NAA15: variants seen among roughly 807,000 people sequenced by gnomAD.
The protein encoded by NAA15 is N-terminal acetyltransferase.
In NAA15, 34 loss-of-function variants were observed where a neutral mutation model predicts 114.0. That is an observed-to-expected ratio of 0.30 (90% CI 0.23 to 0.40). The LOEUF is 0.40. Ranked by LOEUF, NAA15 falls within the 10% of genes least tolerant of loss-of-function variation. NAA15 has a pLI of 1.00. For synonymous variants in NAA15, 340 were observed against 338.0 expected (o/e 1.01, Z -0.06); for missense variants, 658 against 1,004.5 (o/e 0.66, Z 4.66).
chr4:139,371,300 G>A (rs1748428706), intron 15 of NAA15, among the ~76,000 whole-genome samples: 1 of 151,866 alleles, frequency 6.6e-6, no homozygotes, highest in Non-Finnish European at 1.5e-5. Context: ...TAGACATAGT[G>A]ATATTGCTAT....
At chr4:139,376,756 AATTAG>A (rs1748592754) in intron 16 of NAA15, among the ~76,000 whole-genome samples, 1 of 152,198 alleles carries the variant, frequency 6.6e-6, no homozygotes, top group Admixed American at 6.5e-5. Context: ...ATGTGGATAA[AATTAG>A]TTAATACACA....
At chr4:139,344,435 C>A in intron 6 of NAA15, 96 bp downstream of exon 6, 1 of 965,982 alleles carries the variant, frequency 1.0e-6, no homozygotes, top group Non-Finnish European at 1.5e-6. Context: ...TATAATTCAG[C>A]TTTTTGATGA....
At chr4:139,338,315 T>G (rs925493658) in intron 3 of NAA15, among the ~76,000 whole-genome samples, 8 of 152,230 alleles carry the variant, frequency 5.3e-5, no homozygotes, top group African/African-American at 1.2e-4. Context: ...ACTTTGTCAT[T>G]TGTATTACGG....
intron 15 of NAA15, among the ~76,000 whole-genome samples, chr4:139,376,035 T>C (rs996482842): frequency 1.3e-5 from 2 of 152,208 alleles, no homozygotes; most frequent in African/African-American, 2.4e-5. Flanking sequence ...GTACTTCTCC[T>C]GTCCTAGTTT....
chr4:139,384,156 T>A (rs1174372262), intron 17 of NAA15, among the ~76,000 whole-genome samples: 1 of 152,198 alleles, frequency 6.6e-6, no homozygotes, highest in Non-Finnish European at 1.5e-5. Context: ...TTTAGAACAT[T>A]AGATTGTTCT....
At position 139,389,730 on chromosome 4, in the gene NAA15, C is replaced by T. The variant is rs377033950; in HGVS notation, c.*1646C>T. 2.8e-4 allele frequency: 42 copies of T among 152,568 alleles called. No individual in the cohort carries two copies. In the East Asian group the frequency reaches 3.7e-3, roughly 13 times the overall value. The allele number at this position is 152,568 out of a possible 1,614,324, so 9.5% of individuals were successfully genotyped here. On this transcript the variant is annotated 3_prime_UTR_variant, in exon 20 of 20. Coordinates refer to ENST00000296543, the MANE Select transcript of NAA15 (RefSeq NM_057175.5). ...ATATATAATTGACCTTTTTGTGGAA[C>T]ATGTAGTTTATAGAAAGTATACTCT...
At chr4:139,385,283 A>AATATATATATATATATAATATATATAAT (rs1748870381) in intron 18 of NAA15, among the ~76,000 whole-genome samples, 2 of 100,490 alleles carry the variant, frequency 2.0e-5, no homozygotes, top group Non-Finnish European at 4.4e-5. Flanking sequence ...ATATATATAT[A>AATATATATATATATATAATATATATAAT]ATATATATAT....
intron 5 of NAA15, 21 bp from the exon 6 acceptor site, chr4:139,344,165 A>G: frequency 6.4e-7 from 1 of 1,552,130 alleles, no homozygotes; most frequent in African/African-American, 1.4e-5. Context: ...TACTGTCAGT[A>G]TTCCTTATAT....
intron 1 of NAA15, among the ~76,000 whole-genome samples, chr4:139,321,228 A>G (rs550705859): frequency 2.6e-4 from 39 of 150,996 alleles, no homozygotes; most frequent in South Asian, 4.2e-4. Flanking sequence ...TGTTTTTTCT[A>G]ATTTCTTAAG....
At chr4:139,361,141 A>G (rs1408400262) in intron 13 of NAA15, among the ~76,000 whole-genome samples, 1 of 152,128 alleles carries the variant, frequency 6.6e-6, no homozygotes, top group Non-Finnish European at 1.5e-5. Context: ...TGTGTTTTAC[A>G]CAGATAAACA....
intron 15 of NAA15, 121 bp from the exon 16 acceptor site, chr4:139,376,244 G>T: frequency 1.6e-6 from 1 of 619,770 alleles, no homozygotes; most frequent in South Asian, 2.1e-5. Flanking sequence ...AAATATGACA[G>T]TGTTTTTCTG....
rs1273737115 is a variant in NAA15 at position 139,357,097 on chromosome 4, CCCTA to C, written c.1088-285_1088-282del. 2.0e-5 allele frequency among the ~76,000 whole-genome samples: 3 copies of C among 152,150 alleles called. No homozygotes were observed. The East Asian group carries it at 5.8e-4, about 29-fold the overall frequency. ...ATAGTTCTAGTACAGCTTGTCTCCC[CCCTA>C]CCTGTTTCAGTTTTCTTTCTAGGTA... On this transcript the variant is annotated intron_variant, in intron 10 of 19. Transcript: ENST00000296543.
chr4:139,308,510 A>T (rs1381639873), intron 1 of NAA15, among the ~76,000 whole-genome samples: 3 of 152,248 alleles, frequency 2.0e-5, no homozygotes, highest in African/African-American at 7.2e-5. Context: ...CTTGTACTTC[A>T]TATATTTAGA....
intron 11 of NAA15, among the ~76,000 whole-genome samples, chr4:139,357,937 A>T (rs1408559784): frequency 2.6e-5 from 4 of 152,188 alleles, no homozygotes; most frequent in African/African-American, 9.7e-5. Context: ...TATTGAGATG[A>T]AACTGTGAAG....
At chr4:139,347,468 C>CA (rs2110924940) in intron 6 of NAA15, among the ~76,000 whole-genome samples, 1 of 151,728 alleles carries the variant, frequency 6.6e-6, no homozygotes, top group East Asian at 1.9e-4. Context: ...CCCATCTCTA[C>CA]AAAAAATAAA....
chr4:139,369,529 G>A (rs1266071931), intron 14 of NAA15, among the ~76,000 whole-genome samples: 1 of 152,046 alleles, frequency 6.6e-6, no homozygotes, highest in Non-Finnish European at 1.5e-5. Context: ...CAGGAGGTCA[G>A]GAGTTTGAGA....
At chr4:139,328,185 T>TA (rs1035614923) in intron 1 of NAA15, among the ~76,000 whole-genome samples, 2 of 152,024 alleles carry the variant, frequency 1.3e-5, no homozygotes, top group Non-Finnish European at 1.5e-5. Context: ...GGTTCCATTT[T>TA]AAAAAAATTG....
chr4:139,336,727 T>G, intron 2 of NAA15, 121 bp from the exon 3 acceptor site: 3 of 479,950 alleles, frequency 6.3e-6, no homozygotes, highest in Non-Finnish European at 6.9e-6. Context: ...AGTAATCTCC[T>G]TGACATTTTT....
chr4:139,353,966 C>A, intron 9 of NAA15, 60 bp from the exon 10 acceptor site: 1 of 1,322,358 alleles, frequency 7.6e-7, no homozygotes, highest in Non-Finnish European at 1.1e-6. Context: ...ACACATTTTG[C>A]ATAAGAATAG....
Sources: allele counts gnomAD v4.1 joint callset (sites outside exome capture counted in the v4.1 genomes callset), GRCh38; gene constraint gnomAD v4.1.1; transcripts MANE v1.5; gene names NCBI Gene and HGNC (gene_info 2026-07-23, HGNC 2026-07-21).